The following MCFD2 variants were observed in gnomAD, a reference collection of about 807,000 sequenced individuals.
The protein encoded by MCFD2 is multiple coagulation factor deficiency 2, ER cargo receptor complex subunit.
In MCFD2, 11 loss-of-function variants were observed where a neutral mutation model predicts 12.8. The observed-to-expected ratio is 0.86, with a 90% CI of 0.54 to 1.42. The LOEUF is 1.42. Among genes scored for constraint, MCFD2 ranks in the 40% most tolerant of loss-of-function variants. The pLI is 0.00. For synonymous variants in MCFD2, 70 were observed against 68.1 expected, an observed-to-expected ratio of 1.03 and a Z score of -0.14; for missense variants, 191 against 178.6, an observed-to-expected ratio of 1.07 and a Z score of -0.40.
rs998217415 is a variant in MCFD2 at position 46,915,706 on chromosome 2, T to TG, written c.-7+16dup. ...CCGGGATCCCGCCCGCTGCGGAGAG[T>TG]GCGCTAGTTCACTCACCCTTACGGT... is the stretch of plus-strand genomic sequence containing the variant. On this transcript the variant is annotated intron_variant, in intron 1 of 3. Transcript: ENST00000319466. The TG allele has an allele frequency of 4.6e-4, 428 of 936,466 alleles. No individual in the cohort carries two copies. Among genetic ancestry groups the TG allele is most frequent in the South Asian group, 7.9e-4 (16 of 20,170 alleles). 58.0% of individuals were successfully genotyped at this position (936,466 alleles called of 1,614,324 possible).
intron 1 of MCFD2, among the ~76,000 whole-genome samples, chr2:46,930,201 G>C (rs1669618391): frequency 6.6e-6 from 1 of 151,966 alleles, no homozygotes; most frequent in Non-Finnish European, 1.5e-5. Context: ...ATGTAATAGA[G>C]AGGATCATTA....
intron 1 of MCFD2, among the ~76,000 whole-genome samples, chr2:46,938,276 C>T (rs1670078795): frequency 6.6e-6 from 1 of 152,180 alleles, no homozygotes; most frequent in South Asian, 2.1e-4. Flanking sequence ...TAAAGGACAA[C>T]CTTACAAACT....
At chr2:46,918,384 T>G, upstream of MCFD2, among the ~76,000 whole-genome samples, 1 of 152,214 alleles carries the variant, frequency 6.6e-6, no homozygotes, top group East Asian at 1.9e-4. Context: ...AGTCCAGTAG[T>G]AGATGATGCT....
rs55834277 is a variant in MCFD2, at chr2:46,905,717, G to A, written c.310-123C>T. ...TATTAAAAAAAAAAAAAAAAAAAAGGAAAAACAAAACAACAAAATATCCAC... is the reference window on the plus strand; with the variant it reads ...TATTAAAAAAAAAAAAAAAAAAAAGAAAAAACAAAACAACAAAATATCCAC... On this transcript the variant is annotated intron_variant, in intron 3 of 3. Coordinates refer to ENST00000319466, the MANE Select transcript of MCFD2 (RefSeq NM_139279.6). 0.09 allele frequency: 72,297 copies of A among 801,434 alleles called. 4,696 individuals carry two copies. The highest frequency in any genetic ancestry group is 0.27 in the African/African-American group (13,865 of 50,684). 49.6% of individuals were successfully genotyped at this position (801,434 alleles called of 1,614,324 possible). A position where few individuals can be genotyped will look rare whatever the true frequency, so the allele number is the denominator to read the frequency against.
rs977246726 is a variant in MCFD2, at chr2:46,927,514, G to A, written c.-8+14058C>T. Among the ~76,000 whole-genome samples the A allele has an allele frequency of 1.3e-4, 20 of 151,796 alleles. No individual in the cohort carries two copies. In the South Asian group the frequency reaches 1.5e-3, roughly 11 times the overall value. ...TGGGACTACAGGCATCCGCCACCAC[G>A]CCCGGCTAATTTTGTTTTTGTGTTT... is the stretch of plus-strand genomic sequence containing the variant. On this transcript the variant is annotated intron_variant, in intron 1 of 2. Coordinates refer to the MCFD2 transcript ENST00000409147.
chr2:46,912,435 C>G (rs976302221), intron 1 of MCFD2: 1 of 152,382 alleles, frequency 6.6e-6, no homozygotes, highest in African/African-American at 2.4e-5. Context: ...CAGTGACTGC[C>G]TAGGCCATAG....
intron 1 of MCFD2, among the ~76,000 whole-genome samples, chr2:46,909,944 C>T (rs1462235943): frequency 6.6e-6 from 1 of 152,134 alleles, no homozygotes; most frequent in Non-Finnish European, 1.5e-5. Flanking sequence ...GTGGGGAAGG[C>T]ATGAAGTGGC....
At position 46,937,319 on chromosome 2, in the gene MCFD2, C is replaced by G. The variant is rs981583853; in HGVS notation, c.-8+4253G>C. 3.3e-5 allele frequency among the ~76,000 whole-genome samples: 5 copies of G among 152,112 alleles called. No individual in the cohort carries two copies. Among genetic ancestry groups the G allele is most frequent in the African/African-American group, 1.2e-4 (5 of 41,406 alleles). On this transcript the variant is annotated intron_variant, in intron 1 of 2. Coordinates refer to the MCFD2 transcript ENST00000409147. The surrounding 1 kb of genome is among the most constrained non-coding windows in gnomAD (Gnocchi z 4.0). ...CCATCTCCCTCTGCCCTTTTCTCTC[C>G]CTCAGATCCACTCCCCTTTCCTCCT... is the stretch of plus-strand genomic sequence containing the variant.
rs1264208208 is a variant in MCFD2 at position 46,941,235 on chromosome 2, TGCAGCGGCGGCGGCGGCG to T, written c.-8+319_-8+336del. On this transcript the variant is annotated intron_variant, in intron 1 of 2. Transcript: ENST00000409147. This position sits in a 1 kb window ranked among gnomAD's most constrained non-coding sequence, Gnocchi z 4.2. ...CCGGGGCGGAGGCTGTGGCAGCAGC[TGCAGCGGCGGCGGCGGCG>T]GCAGCGCCAGGAGCTGCTACAGCAG... The T allele has an allele frequency of 6.3e-3, 951 of 149,892 alleles. 27 individuals carry two copies. Among genetic ancestry groups the T allele is most frequent in the Admixed American group, 0.054 (809 of 14,906 alleles). 9.3% of individuals were successfully genotyped at this position (149,892 alleles called of 1,614,324 possible).
chr2:46,920,776 T>C (rs192750815), upstream of MCFD2, among the ~76,000 whole-genome samples: 14 of 152,290 alleles, frequency 9.2e-5, no homozygotes, highest in East Asian at 2.3e-3. Flanking sequence ...TCATGATGAA[T>C]TTTATGTGGC....
chr2:46,919,370 C>T (rs1200247768), upstream of MCFD2, among the ~76,000 whole-genome samples: 1 of 152,062 alleles, frequency 6.6e-6, no homozygotes, highest in Non-Finnish European at 1.5e-5. Context: ...CCTGTCTCTA[C>T]TAAAAATACA....
upstream of MCFD2, among the ~76,000 whole-genome samples, chr2:46,917,603 A>AT (rs1010316688): frequency 6.6e-6 from 1 of 152,046 alleles, no homozygotes; most frequent in Non-Finnish European, 1.5e-5. Context: ...CAGTGCTTTC[A>AT]TTTTTTTCCT....
In MCFD2 at chr2:46,941,181, G is replaced by A. The variant is rs1233946812; in HGVS notation, c.-8+391C>T. 1.4e-5 allele frequency: 2 copies of A among 147,838 alleles called. No individual in the cohort carries two copies. The highest frequency in any genetic ancestry group is 4.9e-5 in the African/African-American group (2 of 40,824). 9.2% of individuals were successfully genotyped at this position (147,838 alleles called of 1,614,324 possible). On this transcript the variant is annotated intron_variant, in intron 1 of 2. Coordinates refer to the MCFD2 transcript ENST00000409147. This position sits in a 1 kb window ranked among gnomAD's most constrained non-coding sequence, Gnocchi z 4.2. Reference sequence around the variant, plus strand: ...CCGCGGGGGTGGAGCCGCGGCCAGGGGCGGGTCCGCAGCTGGCGGCGCCGG... The same window carrying A: ...CCGCGGGGGTGGAGCCGCGGCCAGGAGCGGGTCCGCAGCTGGCGGCGCCGG...
chr2:46,908,904 G>T lies in MCFD2; in HGVS notation c.149+119C>A. 1 of 1,272,762 alleles carries T rather than the reference G, an allele frequency of 7.9e-7. No homozygotes were observed. The allele number at this position is 1,272,762 out of a possible 1,614,324, so 78.8% of individuals were successfully genotyped here. On this transcript the variant is annotated intron_variant, in intron 2 of 3. Coordinates refer to ENST00000319466, the MANE Select transcript of MCFD2 (RefSeq NM_139279.6). This position sits in a 1 kb window ranked among gnomAD's most constrained non-coding sequence, Gnocchi z 4.5. ...ATAAGGAATAAGAATCATCCTTGAA[G>T]AATGTCAAGGAGCCATAGAAACAGG...
At chr2:46,906,076 T>C in intron 3 of MCFD2, 1 of 458,930 alleles carries the variant, frequency 2.2e-6, no homozygotes, top group Middle Eastern at 3.3e-4. Flanking sequence ...TGTTATGATC[T>C]TTGAGGAGAA....
At chr2:46,920,518 A>G (rs1046489891), upstream of MCFD2, among the ~76,000 whole-genome samples, 1 of 151,874 alleles carries the variant, frequency 6.6e-6, no homozygotes, top group Non-Finnish European at 1.5e-5. Flanking sequence ...TTTAGTAGAG[A>G]TGGGGTTTCA....
At chr2:46,933,635 G>A (rs1669822632) in intron 1 of MCFD2, among the ~76,000 whole-genome samples, 3 of 152,176 alleles carry the variant, frequency 2.0e-5, no homozygotes, top group Admixed American at 6.5e-5. Flanking sequence ...AATGATCATG[G>A]TAATGAGTAA....
chr2:46,913,448 A>G (rs1002437590), intron 1 of MCFD2, among the ~76,000 whole-genome samples: 3 of 152,166 alleles, frequency 2.0e-5, no homozygotes, highest in Non-Finnish European at 4.4e-5. Context: ...GGAAAGATAG[A>G]AAACAGGGAA....
Position 46,908,097 on chromosome 2 carries a change from G to T in MCFD2, c.150-128C>A. 1 of 974,592 alleles carries T rather than the reference G, an allele frequency of 1.0e-6. No homozygotes were observed. The allele number at this position is 974,592 out of a possible 1,614,324, so 60.4% of individuals were successfully genotyped here. ...AGAAAAACAAACACCAGCAGTGGCAGACCACACTCAAGGATTACACAGAGA... is the reference window on the plus strand; with the variant it reads ...AGAAAAACAAACACCAGCAGTGGCATACCACACTCAAGGATTACACAGAGA... On this transcript the variant is annotated intron_variant, in intron 2 of 3. Coordinates refer to ENST00000319466, the MANE Select transcript of MCFD2 (RefSeq NM_139279.6). The surrounding 1 kb of genome is among the most constrained non-coding windows in gnomAD (Gnocchi z 4.5).
Sources: gnomAD v4.1 joint callset for allele counts (sites outside exome capture counted in the v4.1 genomes callset) on GRCh38, gnomAD v4.1.1 for gene constraint, Gnocchi (gnomAD v3.1) non-coding constraint, MANE v1.5 for transcripts, NCBI Gene and HGNC (gene_info 2026-07-23, HGNC 2026-07-21) for gene names.